The following RBPMS variants were observed in gnomAD, a reference collection of about 807,000 sequenced individuals.
RBPMS encodes RNA binding protein, mRNA processing factor, also known as RNA-binding protein with multiple splicing.
A neutral mutation model predicts 26.8 loss-of-function variants in RBPMS; 7 were observed. The observed-to-expected ratio is 0.26, with a 90% confidence interval of 0.15 to 0.49. The LOEUF is 0.49. RBPMS is among the 20% of genes least tolerant of loss of function. The pLI is 0.98. For missense variants in RBPMS, 186 were observed against 250.0 expected (o/e 0.74, Z 1.73); for synonymous variants, 96 against 93.3 (o/e 1.03, Z -0.17).
chr8:30,504,517 C>CATGG, intron 5 of RBPMS, 81 bp downstream of exon 5: 3 of 1,396,118 alleles, frequency 2.1e-6, no homozygotes, highest in Non-Finnish European at 3.0e-6. Flanking sequence ...CACCATGGGA[C>CATGG]ATGGAGCTGG....
At chr8:30,452,665 T>TG (rs1814728025) in intron 1 of RBPMS, among the ~76,000 whole-genome samples, 1 of 152,176 alleles carries the variant, frequency 6.6e-6, no homozygotes, top group Non-Finnish European at 1.5e-5. Context: ...GAGTGCCAAA[T>TG]GGTCCTTAGC....
chr8:30,563,835 C>G (rs1827692700), intron 7 of RBPMS, among the ~76,000 whole-genome samples: 1 of 152,124 alleles, frequency 6.6e-6, no homozygotes, highest in East Asian at 1.9e-4. Flanking sequence ...GCTGGCCTCC[C>G]CTTAGAAGAA....
At chr8:30,537,452 T>G in intron 5 of RBPMS, 1 of 406,132 alleles carries the variant, frequency 2.5e-6, no homozygotes, top group Admixed American at 2.5e-5. Flanking sequence ...AATAGTGGAG[T>G]GGGGAGACGG....
intron 1 of RBPMS, among the ~76,000 whole-genome samples, chr8:30,436,183 TCTTTTTTTCACTTTCCCC>T (rs569117392): frequency 9.5e-5 from 14 of 147,688 alleles, no homozygotes; most frequent in African/African-American, 2.2e-4. Flanking sequence ...TTTAATCAGG[TCTTTTTTTCACTTTCCCC>T]CTTTTTTTCA....
chr8:30,561,994 G>T, intron 7 of RBPMS: 7 of 985,418 alleles, frequency 7.1e-6, no homozygotes, highest in Non-Finnish European at 8.4e-6. Flanking sequence ...TCCTTTGGAA[G>T]TACGGCTAAT....
rs1052483337 is a variant in RBPMS at position 30,484,663 on chromosome 8, T to C, written c.246+5286T>C. On this transcript the variant is annotated intron_variant, in intron 4 of 8. Coordinates refer to ENST00000397323, the MANE Select transcript of RBPMS (RefSeq NM_001008710.3). The stretch of plus-strand genomic sequence containing the variant: ...TGACTATTGAAAAATTTTGATTCAA[T>C]AGTATTTGCAGTTAAGAGAGAATTT... Among the ~76,000 whole-genome samples, 3 of 152,182 alleles carry C rather than the reference T, an allele frequency of 2.0e-5. No homozygotes were observed. The East Asian group carries it at 5.8e-4, about 29-fold the overall frequency.
At chr8:30,550,814 T>C (rs1187494032) in intron 6 of RBPMS, among the ~76,000 whole-genome samples, 1 of 152,168 alleles carries the variant, frequency 6.6e-6, no homozygotes, top group Non-Finnish European at 1.5e-5. Flanking sequence ...AGGAAATACA[T>C]CCGGGGTGGA....
intron 5 of RBPMS, among the ~76,000 whole-genome samples, chr8:30,533,418 G>A (rs1005152379): frequency 1.3e-5 from 2 of 152,168 alleles, no homozygotes; most frequent in Non-Finnish European, 2.9e-5. Flanking sequence ...ATCAAAATAG[G>A]AGAGTTTGGA....
At chr8:30,533,931 A>T (rs533347193) in intron 5 of RBPMS, among the ~76,000 whole-genome samples, 1 of 152,216 alleles carries the variant, frequency 6.6e-6, no homozygotes, top group African/African-American at 2.4e-5. Flanking sequence ...CAGGAGTTCG[A>T]GACCAGCCTG....
chr8:30,550,625 A>G (rs1826276275), intron 6 of RBPMS, among the ~76,000 whole-genome samples: 1 of 152,160 alleles, frequency 6.6e-6, no homozygotes, highest in East Asian at 1.9e-4. Flanking sequence ...AGCATGAATG[A>G]ATGACGGGAG....
intron 5 of RBPMS, among the ~76,000 whole-genome samples, chr8:30,529,889 G>T (rs1297335657): frequency 6.6e-6 from 1 of 152,150 alleles, no homozygotes; most frequent in South Asian, 2.1e-4. Flanking sequence ...GAATAGCTGG[G>T]ATTGCAGGCA....
chr8:30,559,051 C>A, intron 7 of RBPMS, 95 bp downstream of exon 7: 1 of 977,184 alleles, frequency 1.0e-6, no homozygotes, highest in Non-Finnish European at 1.6e-6. Context: ...CCTTTCTCTG[C>A]ACCCACACCT....
Position 30,391,577 on chromosome 8 carries a change from C to T in RBPMS, c.66+6419C>T, listed in dbSNP as rs542285048. ...TGGGACCAGGTATTTAAAATGGATG[C>T]TATGTTGGTATGAACAAGTCAGTTC... is the stretch of plus-strand genomic sequence containing the variant. On this transcript the variant is annotated intron_variant, in intron 1 of 8. Coordinates refer to ENST00000397323, the MANE Select transcript of RBPMS (RefSeq NM_001008710.3). Among the ~76,000 whole-genome samples, 6 of 152,250 alleles carry T rather than the reference C, an allele frequency of 3.9e-5. No homozygotes were observed. The East Asian group carries it at 1.2e-3, about 29-fold the overall frequency.
chr8:30,505,110 T>C (rs17552243), intron 5 of RBPMS, among the ~76,000 whole-genome samples: 29,218 of 152,142 alleles, frequency 0.19, 3,157 homozygotes, highest in South Asian at 0.39. Flanking sequence ...TTTCCCTGAA[T>C]AACTTTAAAA....
chr8:30,421,436 C>G (rs907215987), intron 1 of RBPMS, among the ~76,000 whole-genome samples: 3 of 152,126 alleles, frequency 2.0e-5, no homozygotes, highest in Admixed American at 6.5e-5. Flanking sequence ...GGTGATGTTT[C>G]CATAAATCCT....
intron 5 of RBPMS, among the ~76,000 whole-genome samples, chr8:30,523,312 G>C (rs1823246959): frequency 6.6e-6 from 1 of 151,688 alleles, no homozygotes; most frequent in African/African-American, 2.4e-5. Flanking sequence ...GAGAGGCGGA[G>C]GTTGCAGTGA....
chr8:30,466,855 A>G (rs936968225), intron 1 of RBPMS, among the ~76,000 whole-genome samples: 1 of 152,082 alleles, frequency 6.6e-6, no homozygotes, highest in East Asian at 1.9e-4. Context: ...TCGGCCTCCC[A>G]AAGTGCTGGG....
chr8:30,562,437 G>C (rs1827578099), intron 7 of RBPMS, among the ~76,000 whole-genome samples: 1 of 152,148 alleles, frequency 6.6e-6, no homozygotes, highest in Admixed American at 6.5e-5. Flanking sequence ...TGGGGAGCAG[G>C]TGAGGAAGGA....
intron 7 of RBPMS, among the ~76,000 whole-genome samples, chr8:30,562,345 G>A (rs1016103693): frequency 5.3e-5 from 7 of 132,454 alleles, no homozygotes; most frequent in Non-Finnish European, 1.0e-4. Flanking sequence ...AAAAAAAAAA[G>A]AGTATGTAAT....
Sources: gnomAD v4.1 joint callset for allele counts (sites outside exome capture counted in the v4.1 genomes callset) on GRCh38, gnomAD v4.1.1 for gene constraint, MANE v1.5 for transcripts, NCBI Gene and HGNC (gene_info 2026-07-23, HGNC 2026-07-21) for gene names.